DMD: variants seen among roughly 807,000 people sequenced by gnomAD.
DMD encodes dystrophin, also known as mutant dystrophin.
DMD carries 63 observed loss-of-function variants against 330.1 expected under a neutral mutation model. The observed-to-expected ratio is 0.19, with a 90% confidence interval of 0.16 to 0.24. The LOEUF is 0.24. Ranked by LOEUF, DMD falls within the 10% of genes least tolerant of loss-of-function variation. The pLI, the probability that DMD is intolerant of heterozygous loss-of-function variation, is 1.00. For synonymous variants in DMD, 1,223 were observed against 959.8 expected, an observed-to-expected ratio of 1.27 and a Z score of -5.07; for missense variants, 3,344 against 2,684.1, an observed-to-expected ratio of 1.25 and a Z score of -5.43.
At position 31,209,566 on chromosome X, in the gene DMD, G is replaced by A. The variant is rs2044437537; in HGVS notation, c.9495C>T (p.His3165=). 8.3e-7 allele frequency: 1 copy of A among 1,211,326 alleles called. No individual in the cohort carries two copies. The highest frequency in any genetic ancestry group is 2.2e-5 in the Admixed American group (1 of 45,995). The part of the protein sequence containing the change: ...TTIYDRLEQE[H]NNLVNVPLCV... ...AGAGAGGGACGTTGACCAAATTGTTGTGCTCTTGCTCCAGGCGGTCATAAA... is the reference window on the plus strand; with the variant it reads ...AGAGAGGGACGTTGACCAAATTGTTATGCTCTTGCTCCAGGCGGTCATAAA... The change falls in exon 65 of 79, where the codon CAC becomes CAT. Residue 3165 remains histidine (H), a synonymous_variant. Coordinates refer to ENST00000357033, the MANE Select transcript of DMD (RefSeq NM_004006.3).
At chrX:31,274,956 C>T (rs1307755044) in intron 62 of DMD, among the ~76,000 whole-genome samples, 2 of 109,692 alleles carry the variant, frequency 1.8e-5, no homozygotes, top group Non-Finnish European at 3.8e-5. Flanking sequence ...CCTTAAGGAG[C>T]TTATGATCTA....
At chrX:32,503,241 G>A (rs1041339117) in intron 18 of DMD, among the ~76,000 whole-genome samples, 10 of 111,157 alleles carry the variant, frequency 9.0e-5, no homozygotes, top group African/African-American at 3.3e-4. Context: ...TAAAAAATTA[G>A]TCAGGCGTGG....
At chrX:32,538,318 C>G (rs187088002) in intron 17 of DMD, among the ~76,000 whole-genome samples, 1 of 111,704 alleles carries the variant, frequency 9.0e-6, no homozygotes, top group East Asian at 2.8e-4. Context: ...TTTTGCCCCA[C>G]CTTAACCGAG....
chrX:33,190,909 TA>T (rs1292482316), intron 1 of DMD, among the ~76,000 whole-genome samples: 5 of 796 alleles, frequency 6.3e-3, no homozygotes, highest in South Asian at 0.037. Flanking sequence ...ATATAATATA[TA>T]ATATTATATA....
chrX:31,630,683 AAGAAAAAAAAGATATGTTC>A (rs754454448), intron 54 of DMD, among the ~76,000 whole-genome samples: 3 of 111,757 alleles, frequency 2.7e-5, no homozygotes, highest in African/African-American at 9.7e-5. Flanking sequence ...AAGAATCATA[AAGAAAAAAAAGATATGTTC>A]AGAAAAAAAA....
chrX:33,049,739 TAATA>T (rs2094434045), intron 1 of DMD, among the ~76,000 whole-genome samples: 1 of 111,517 alleles, frequency 9.0e-6, no homozygotes, highest in Non-Finnish European at 1.9e-5. Context: ...TTTTGAAAAT[TAATA>T]TATATGTATA....
intron 48 of DMD, among the ~76,000 whole-genome samples, chrX:31,856,834 T>C (rs930427582): frequency 8.9e-6 from 1 of 112,396 alleles, no homozygotes; most frequent in East Asian, 2.8e-4. Flanking sequence ...GTCACATGAA[T>C]TATTAATTTT....
chrX:31,181,205 C>T (rs180730755), intron 68 of DMD, among the ~76,000 whole-genome samples: 1 of 111,872 alleles, frequency 8.9e-6, no homozygotes, highest in East Asian at 2.8e-4. Context: ...TTCATACTCT[C>T]CTGCCTTTTG....
intron 44 of DMD, among the ~76,000 whole-genome samples, chrX:32,060,611 A>G (rs776889978): frequency 2.7e-5 from 3 of 111,671 alleles, no homozygotes; most frequent in Non-Finnish European, 3.8e-5. Flanking sequence ...CAGAACACAC[A>G]GTAATCAATG....
chrX:31,445,018 G>A (rs1259653704), intron 59 of DMD, among the ~76,000 whole-genome samples: 1 of 111,387 alleles, frequency 9.0e-6, no homozygotes, highest in Non-Finnish European at 1.9e-5. Flanking sequence ...TCAACCTCCA[G>A]AACAGTGAGA....
intron 44 of DMD, among the ~76,000 whole-genome samples, chrX:32,128,914 C>T (rs962884864): frequency 9.0e-6 from 1 of 111,443 alleles, no homozygotes; most frequent in African/African-American, 3.3e-5. Flanking sequence ...AACAAAGCAT[C>T]GAACAGAGGA....
chrX:33,181,872 C>T (rs375606568), intron 1 of DMD, among the ~76,000 whole-genome samples: 4 of 112,027 alleles, frequency 3.6e-5, no homozygotes, highest in African/African-American at 9.8e-5. Context: ...CTGCTTTTGA[C>T]GGCCAACCCA....
At chrX:32,823,557 C>A (rs2078454020) in intron 4 of DMD, among the ~76,000 whole-genome samples, 170 bp from the exon 5 acceptor site, 1 of 111,940 alleles carries the variant, frequency 8.9e-6, no homozygotes, top group Non-Finnish European at 1.9e-5. Flanking sequence ...TGTAAAATCA[C>A]TTTCCATAAC....
intron 55 of DMD, among the ~76,000 whole-genome samples, chrX:31,564,033 G>C (rs1213676306): frequency 4.5e-5 from 5 of 110,880 alleles, no homozygotes; most frequent in Non-Finnish European, 9.4e-5. Flanking sequence ...CGTACACAGG[G>C]GGCATGCCAT....
At chrX:32,688,947 CA>C (rs199633065) in intron 9 of DMD, among the ~76,000 whole-genome samples, 11,033 of 110,438 alleles carry the variant, frequency 0.1, 1,318 homozygotes, top group African/African-American at 0.33. Flanking sequence ...CCACACTATT[CA>C]AAGCTTTTTT....
chrX:32,389,252 AAAG>A lies in DMD; in HGVS notation c.4518+246_4518+248del, dbSNP rs201692389. ...CTAGATTTCCATTTAAAATATATTT[AAAG>A]AATCATAAAAATTAAACACAAGCAA... On this transcript the variant is annotated intron_variant, in intron 32 of 78. Coordinates refer to ENST00000357033, the MANE Select transcript of DMD (RefSeq NM_004006.3). 7.9e-3 allele frequency among the ~76,000 whole-genome samples: 881 copies of A among 111,770 alleles called. 7 individuals carry two copies. Among genetic ancestry groups the A allele is most frequent in the African/African-American group, 0.028 (860 of 30,784 alleles).
intron 60 of DMD, among the ~76,000 whole-genome samples, chrX:31,383,363 G>A (rs930231034): frequency 8.9e-6 from 1 of 112,368 alleles, no homozygotes. Flanking sequence ...TCACACGGAC[G>A]CGAGTGAAAG....
At chrX:32,522,376 TA>T (rs1195404858) in intron 17 of DMD, among the ~76,000 whole-genome samples, 3 of 111,865 alleles carry the variant, frequency 2.7e-5, no homozygotes, top group Non-Finnish European at 5.6e-5. Context: ...AATTGACGCA[TA>T]ATAGATGTAC....
chrX:32,545,569 T>A (rs2048889711), intron 16 of DMD, among the ~76,000 whole-genome samples: 1 of 111,511 alleles, frequency 9.0e-6, no homozygotes, highest in East Asian at 2.8e-4. Context: ...TAGCGCCCCT[T>A]CAATATATTG....
Sources: allele counts gnomAD v4.1 joint callset (sites outside exome capture counted in the v4.1 genomes callset), GRCh38; gene constraint gnomAD v4.1.1; transcripts MANE v1.5; gene names NCBI Gene and HGNC (gene_info 2026-07-23, HGNC 2026-07-21).